DERL3: variants seen among roughly 807,000 people sequenced by gnomAD.
DERL3 encodes derlin 3, also known as derlin-3.
DERL3 carries 20 observed loss-of-function variants against 23.8 expected under a neutral mutation model. The observed-to-expected ratio is 0.84, with a 90% CI of 0.59 to 1.22. DERL3 has a LOEUF of 1.22. DERL3 is among the 50% of genes most tolerant of loss of function. The pLI is 0.00. For synonymous variants in DERL3, 145 were observed against 132.5 expected (o/e 1.09, Z -0.65); for missense variants, 319 against 304.1 (o/e 1.05, Z -0.36).
rs2030968220 is a variant in DERL3 at position 23,835,437 on chromosome 22, G to A, written c.*1432C>T. The A allele has an allele frequency of 3.0e-6, 3 of 986,498 alleles. No individual in the cohort carries two copies. Among genetic ancestry groups the A allele is most frequent in the African/African-American group, 1.7e-5 (1 of 57,426 alleles). The allele number at this position is 986,498 out of a possible 1,614,324, so 61.1% of individuals were successfully genotyped here. A position where few individuals can be genotyped will look rare whatever the true frequency, so the allele number is the denominator to read the frequency against. ...GGCTGCTGTGCTCCCTGGAAGTGGG[G>A]TAGGGCCCCATGTGGGGCAGAGGCA... On this transcript the variant is annotated 3_prime_UTR_variant, in exon 7 of 7. Coordinates refer to ENST00000318109, the MANE Select transcript of DERL3 (RefSeq NM_001002862.3).
In DERL3 at chr22:23,835,513, G is replaced by A. The variant is rs1013280215; in HGVS notation, c.*1356C>T. 15 of 985,540 alleles carry A rather than the reference G, an allele frequency of 1.5e-5. No individual in the cohort carries two copies. The Admixed American group carries it at 3.1e-4, about 20-fold the overall frequency. 61.0% of individuals were successfully genotyped at this position (985,540 alleles called of 1,614,324 possible). A position where few individuals can be genotyped will look rare whatever the true frequency, so the allele number is the denominator to read the frequency against. On this transcript the variant is annotated 3_prime_UTR_variant, in exon 7 of 7. Transcript: ENST00000318109. Reference sequence around the variant, plus strand: ...TTGGTCGCTGAGATGTGAGAGGAGGGCTCCTTTGAGCACATGTTAGCATGG... The same window carrying A: ...TTGGTCGCTGAGATGTGAGAGGAGGACTCCTTTGAGCACATGTTAGCATGG...
chr22:23,838,089 C>T, intron 4 of DERL3: 1 of 1,489,560 alleles, frequency 6.7e-7, no homozygotes, highest in Non-Finnish European at 8.9e-7. Context: ...GCCCCAGTTT[C>T]TCCCGGCTAC....
chr22:23,838,151 G>T (rs557450091), intron 4 of DERL3: 100 of 1,534,456 alleles, frequency 6.5e-5, no homozygotes, highest in Non-Finnish European at 8.6e-5. Context: ...GCTCTTTTGT[G>T]CATGGCTTTG....
rs569047608 is a variant in DERL3, at chr22:23,837,488, G to A, written c.523+171C>T. On this transcript the variant is annotated intron_variant, in intron 5 of 6. Transcript: ENST00000318109. ...CTGACGATGCAAATTATGTGGGCCG[G>A]CTGGCTTGAGGGGCTGTAAGAGCAC... 112 of 721,818 alleles carry A rather than the reference G, an allele frequency of 1.6e-4. 1 individual carries two copies. The East Asian group carries it at 2.8e-3, about 18-fold the overall frequency. The allele number at this position is 721,818 out of a possible 1,614,324, so 44.7% of individuals were successfully genotyped here. A position where few individuals can be genotyped will look rare whatever the true frequency, so the allele number is the denominator to read the frequency against.
chr22:23,838,976 C>T lies in DERL3; in HGVS notation c.12G>A (p.Gln4=). 6.3e-7 allele frequency: 1 copy of T among 1,575,336 alleles called. No homozygotes were observed. Among genetic ancestry groups the T allele is most frequent in the Non-Finnish European group, 8.6e-7 (1 of 1,160,358 alleles). The change falls in exon 1 of 7, where the codon CAG becomes CAA. Residue 4 remains glutamine, a synonymous_variant. Coordinates refer to ENST00000318109, the MANE Select transcript of DERL3 (RefSeq NM_001002862.3). ...CCTGCAGGAACTCGGCCGCTAGTCCCTGCCACGCCATTGAACCTTCTCAAG... is the reference window on the plus strand; with the variant it reads ...CCTGCAGGAACTCGGCCGCTAGTCCTTGCCACGCCATTGAACCTTCTCAAG... MAW[Q]GLAAEFLQVP... is the part of the protein sequence containing the mutation.
Position 23,834,688 on chromosome 22 carries a change from A to T in DERL3, c.*2181T>A. On this transcript the variant is annotated 3_prime_UTR_variant, in exon 7 of 7. Coordinates refer to ENST00000318109, the MANE Select transcript of DERL3 (RefSeq NM_001002862.3). ...GGTGGGGGTGAATGGGGCTCCGGGT[A>T]GCACCTCAGCTCCTCTCAGCTCCCC... 1 of 1,217,820 alleles carries T rather than the reference A, an allele frequency of 8.2e-7. No individual in the cohort carries two copies. The highest frequency in any genetic ancestry group is 1.5e-5 in the South Asian group (1 of 65,886). 75.4% of individuals were successfully genotyped at this position (1,217,820 alleles called of 1,614,324 possible).
rs1214372578 is a variant in DERL3 at position 23,836,916 on chromosome 22, G to C, written c.661C>G (p.Leu221Val). ...APAEDPNYLP[L>V]PEEQPGPHLP... ...TGGGGTCCTGGCTGTTCCTCAGGGA[G>C]GGGCAGGTAATTGGGGTCTTCTGCA... is the stretch of plus-strand genomic sequence containing the variant. Residue 221 changes from leucine to valine, a missense_variant, in exon 7 of 7, where the codon CTC (leucine) becomes GTC (valine). Transcript: ENST00000318109. 1.3e-6 allele frequency: 2 copies of C among 1,534,730 alleles called. No homozygotes were observed. Among genetic ancestry groups the C allele is most frequent in the African/African-American group, 2.8e-5 (2 of 72,652 alleles).
At chr22:23,837,570 A>G in intron 5 of DERL3, 89 bp downstream of exon 5, 1 of 1,269,192 alleles carries the variant, frequency 7.9e-7, no homozygotes, top group Non-Finnish European at 1.1e-6. Flanking sequence ...GAACTCCAGC[A>G]AGGATGGGAG....
chr22:23,837,129 G>T lies in DERL3; in HGVS notation c.549C>A (p.Tyr183Ter). Residue 183 changes from tyrosine to a stop codon, truncating the protein, a stop_gained, in exon 6 of 7, where the codon TAC becomes TAA. Coordinates refer to ENST00000318109, the MANE Select transcript of DERL3 (RefSeq NM_001002862.3). LOFTEE classifies it high-confidence loss of function. ...LLGIAVGHIYYFLEDVFPNQP... is the reference protein window; with the variant it reads ...LLGIAVGHIY ...GGTTGGGGAAGACGTCCTCCAGGAAGTAGTAGATATGGCCCACCGCAATCC... is the reference window on the plus strand; with the variant it reads ...GGTTGGGGAAGACGTCCTCCAGGAATTAGTAGATATGGCCCACCGCAATCC... The T allele has an allele frequency of 6.2e-7, 1 of 1,614,022 alleles. No individual in the cohort carries two copies. The highest frequency in any genetic ancestry group is 2.2e-5 in the East Asian group (1 of 44,874).
intron 5 of DERL3, 177 bp from the exon 6 acceptor site, chr22:23,837,331 AG>A: frequency 1.2e-6 from 1 of 824,122 alleles, no homozygotes; most frequent in Non-Finnish European, 1.9e-6. Flanking sequence ...CAAGCTTAAA[AG>A]GCCCAGAAGC....
At chr22:23,837,001 G>A (rs2031104459) in intron 6 of DERL3, 39 bp from the exon 7 acceptor site, 1 of 1,611,616 alleles carries the variant, frequency 6.2e-7, no homozygotes, top group African/African-American at 1.3e-5. Context: ...GGCCAGCACA[G>A]GTCCCCATCG....
At position 23,837,462 on chromosome 22, in the gene DERL3, C is replaced by T. The variant is rs371783806; in HGVS notation, c.523+197G>A. On this transcript the variant is annotated intron_variant, in intron 5 of 6. Coordinates refer to ENST00000318109, the MANE Select transcript of DERL3 (RefSeq NM_001002862.3). ...ACCGTGCAAGCATCAGTAGATCCGT[C>T]CTGACGATGCAAATTATGTGGGCCG... 9.7e-3 allele frequency: 6,534 copies of T among 671,678 alleles called. 52 individuals carry two copies. The highest frequency in any genetic ancestry group is 0.018 in the Middle Eastern group (43 of 2,416). The allele number at this position is 671,678 out of a possible 1,614,324, so 41.6% of individuals were successfully genotyped here.
At position 23,836,866 on chromosome 22, in the gene DERL3, G is replaced by T; in HGVS notation, c.*3C>A. ...GCCTCTTAGGCCTGGCCCTGGGTGG[G>T]GGTCACTGCTGCGGGGGTGGCAGAT... On this transcript the variant is annotated 3_prime_UTR_variant, in exon 7 of 7. Coordinates refer to ENST00000318109, the MANE Select transcript of DERL3 (RefSeq NM_001002862.3). 1 of 1,459,658 alleles carries T rather than the reference G, an allele frequency of 6.9e-7. No individual in the cohort carries two copies. 90.4% of individuals were successfully genotyped at this position (1,459,658 alleles called of 1,614,324 possible).
At chr22:23,837,010 CGGTGGGGATCCTTCTGAG>C (rs2031106399) in intron 6 of DERL3, 36 bp downstream of exon 6, 1 of 1,285,338 alleles carries the variant, frequency 7.8e-7, no homozygotes, top group Non-Finnish European at 1.1e-6. Flanking sequence ...AGGTCCCCAT[CGGTGGGGATCCTTCTGAG>C]GGTGGGGAGA....
Position 23,835,208 on chromosome 22 carries a change from A to G in DERL3, c.*1661T>C. On this transcript the variant is annotated 3_prime_UTR_variant, in exon 7 of 7. Coordinates refer to ENST00000318109, the MANE Select transcript of DERL3 (RefSeq NM_001002862.3). ...TCCCAGCCCTGCCTCCAAGGAGTTC[A>G]TGTCCCCTCTGTTCTCATCTGTAAT... 1 of 1,267,312 alleles carries G rather than the reference A, an allele frequency of 7.9e-7. No homozygotes were observed. Among genetic ancestry groups the G allele is most frequent in the East Asian group, 3.2e-5 (1 of 30,842 alleles). 78.5% of individuals were successfully genotyped at this position (1,267,312 alleles called of 1,614,324 possible).
At position 23,835,240 on chromosome 22, in the gene DERL3, G is replaced by A. The variant is rs571920533; in HGVS notation, c.*1629C>T. 3 of 1,165,614 alleles carry A rather than the reference G, an allele frequency of 2.6e-6. No homozygotes were observed. The African/African-American group carries it at 4.8e-5, about 18-fold the overall frequency. 72.2% of individuals were successfully genotyped at this position (1,165,614 alleles called of 1,614,324 possible). A position where few individuals can be genotyped will look rare whatever the true frequency, so the allele number is the denominator to read the frequency against. ...CTCTGTTCTCATCTGTAATAGGGAG[G>A]TGTCCCCATTCTTCAGAATGGACAC... is the stretch of plus-strand genomic sequence containing the variant. On this transcript the variant is annotated 3_prime_UTR_variant, in exon 7 of 7. Coordinates refer to ENST00000318109, the MANE Select transcript of DERL3 (RefSeq NM_001002862.3).
chr22:23,834,841 C>T lies in DERL3; in HGVS notation c.*2028G>A, dbSNP rs773044043. 1.8e-5 allele frequency: 29 copies of T among 1,611,888 alleles called. No individual in the cohort carries two copies. Among genetic ancestry groups the T allele is most frequent in the Admixed American group, 8.3e-5 (5 of 59,898 alleles). ...CTTGCTTGGCCTCAGGAAGGTGCCG[C>T]GAGCTCTCCTGCCGTCCCTGGGCCG... On this transcript the variant is annotated 3_prime_UTR_variant, in exon 7 of 7. Coordinates refer to ENST00000318109, the MANE Select transcript of DERL3 (RefSeq NM_001002862.3).
chr22:23,835,167 A>C lies in DERL3; in HGVS notation c.*1702T>G. On this transcript the variant is annotated 3_prime_UTR_variant, in exon 7 of 7. Coordinates refer to ENST00000318109, the MANE Select transcript of DERL3 (RefSeq NM_001002862.3). ...AGTTGACACGGTACAGGGAGGAGACACAGCCCAGGGTCCCTTCCCAGCCCT... is the reference window on the plus strand; with the variant it reads ...AGTTGACACGGTACAGGGAGGAGACCCAGCCCAGGGTCCCTTCCCAGCCCT... The C allele has an allele frequency of 1.5e-6, 2 of 1,303,428 alleles. No homozygotes were observed. Among genetic ancestry groups the C allele is most frequent in the Non-Finnish European group, 1.9e-6 (2 of 1,028,604 alleles). The allele number at this position is 1,303,428 out of a possible 1,614,324, so 80.7% of individuals were successfully genotyped here.
rs150664553 is a variant in DERL3, at chr22:23,838,005, C to T, written c.328-151G>A. 3.0e-4 allele frequency: 372 copies of T among 1,253,726 alleles called. No individual in the cohort carries two copies. The African/African-American group carries it at 4.8e-3, about 16-fold the overall frequency. The allele number at this position is 1,253,726 out of a possible 1,614,324, so 77.7% of individuals were successfully genotyped here. On this transcript the variant is annotated intron_variant, in intron 4 of 6. Coordinates refer to ENST00000318109, the MANE Select transcript of DERL3 (RefSeq NM_001002862.3). ...AGTCCAATAAAGGCGACACACTCCA[C>T]GGGCTTCAGGTCCCACGAAATCTGC...
Sources: allele counts gnomAD v4.1 joint callset, GRCh38; gene constraint gnomAD v4.1.1; transcripts MANE v1.5; gene names NCBI Gene and HGNC (gene_info 2026-07-23, HGNC 2026-07-21).